Variants in IPO9 observed in about 807,000 individuals in gnomAD.
The protein encoded by IPO9 is importin 9, also known as importin-9.
IPO9 carries 28 observed loss-of-function variants against 128.6 expected under a neutral mutation model. The observed-to-expected ratio is 0.22, with a 90% CI of 0.16 to 0.30. The LOEUF is 0.30. Ranked by LOEUF, IPO9 falls within the 10% of genes least tolerant of loss-of-function variation. The pLI, the probability that IPO9 is intolerant of heterozygous loss-of-function variation, is 1.00. For missense variants in IPO9, 935 were observed against 1,293.9 expected, an observed-to-expected ratio of 0.72 and a Z score of 4.26; for synonymous variants, 455 against 475.8, an observed-to-expected ratio of 0.96 and a Z score of 0.57.
At chr1:201,850,228 A>G (rs1571544614) in intron 4 of IPO9, among the ~76,000 whole-genome samples, 2 of 152,240 alleles carry the variant, frequency 1.3e-5, no homozygotes, top group Admixed American at 1.3e-4. Flanking sequence ...TGGAGTGGCT[A>G]GCAGCCAAGC....
At chr1:201,866,203 C>G (rs1680551926) in intron 14 of IPO9, among the ~76,000 whole-genome samples, 1 of 152,136 alleles carries the variant, frequency 6.6e-6, no homozygotes, top group Non-Finnish European at 1.5e-5. Context: ...TGAAGTACCT[C>G]TGTCTCAAGT....
chr1:201,869,464 A>T, intron 16 of IPO9, 126 bp from the exon 17 acceptor site: 3 of 1,135,030 alleles, frequency 2.6e-6, no homozygotes, highest in Non-Finnish European at 3.8e-6. Flanking sequence ...TTATTTTGGA[A>T]ACTTGCCTTT....
At position 201,866,423 on chromosome 1, in the gene IPO9, G is replaced by T. The variant is rs1680554796; in HGVS notation, c.1629-310G>T. On this transcript the variant is annotated intron_variant, in intron 14 of 23. Coordinates refer to ENST00000361565, the MANE Select transcript of IPO9 (RefSeq NM_018085.5). ...CTTTAAATCCTACAGCTAATAGGCT[G>T]ATTTTGAAAGTGAAACATAAAATGT... Among the ~76,000 whole-genome samples, 3 of 150,402 alleles carry T rather than the reference G, an allele frequency of 2.0e-5. 1 individual carries two copies. The Admixed American group carries it at 2.0e-4, about 10-fold the overall frequency.
intron 1 of IPO9, among the ~76,000 whole-genome samples, chr1:201,838,638 T>G (rs1446009505): frequency 6.6e-6 from 1 of 152,100 alleles, no homozygotes; most frequent in African/African-American, 2.4e-5. Context: ...GAATGTGGCT[T>G]CTTCTGTGGC....
In IPO9 at chr1:201,863,507, T is replaced by A; in HGVS notation, c.1528T>A (p.Ser510Thr). The A allele has an allele frequency of 6.3e-7, 1 of 1,599,558 alleles. No homozygotes were observed. The highest frequency in any genetic ancestry group is 1.3e-5 in the African/African-American group (1 of 74,858). The change falls in exon 14 of 24, where the codon TCC becomes ACC. Residue 510 changes from serine to threonine, a missense_variant. Coordinates refer to ENST00000361565, the MANE Select transcript of IPO9 (RefSeq NM_018085.5). ...WAASRFTVAM[S>T]PELIQQFLQA... ...TGCCAGTCGGTTCACTGTTGCTATG[T>A]CCCCTGAACTGATCCAGCAGTTCCT... is the stretch of plus-strand genomic sequence containing the variant.
intron 16 of IPO9, among the ~76,000 whole-genome samples, 182 bp downstream of exon 16, chr1:201,868,978 C>T (rs1392902125): frequency 1.3e-5 from 2 of 152,146 alleles, no homozygotes; most frequent in South Asian, 2.1e-4. Context: ...CTTGGCTTGG[C>T]GCGGTGGCTC....
chr1:201,854,431 A>C (rs559841756), intron 6 of IPO9, among the ~76,000 whole-genome samples, 164 bp from the exon 7 acceptor site: 6 of 152,336 alleles, frequency 3.9e-5, no homozygotes, highest in African/African-American at 1.4e-4. Context: ...GGAAAAATGA[A>C]ATCTTAGGTA....
Position 201,829,368 on chromosome 1 carries a change from G to T in IPO9, c.159G>T (p.Thr53=). 1 of 1,570,084 alleles carries T rather than the reference G, an allele frequency of 6.4e-7. No homozygotes were observed. The highest frequency in any genetic ancestry group is 1.2e-5 in the South Asian group (1 of 84,928). The change falls in exon 1 of 24, where the codon ACG becomes ACT. Residue 53 remains threonine (T), a synonymous_variant. Transcript: ENST00000361565. ...AEEQIKVLEV[T]EEFGVHLAEL... The stretch of plus-strand genomic sequence containing the variant: ...AACAGATTAAGGTGCTGGAGGTGAC[G>T]GAGGGTGAGTGAGGCGGGACCGTCA...
chr1:201,860,491 T>C (rs1484435507), intron 13 of IPO9, among the ~76,000 whole-genome samples: 1 of 152,212 alleles, frequency 6.6e-6, no homozygotes, highest in Non-Finnish European at 1.5e-5. Flanking sequence ...AGGCATCCCA[T>C]AGTTACACAT....
chr1:201,868,665 C>T lies in IPO9; in HGVS notation c.1873C>T (p.Leu625=). 1 of 1,613,790 alleles carries T rather than the reference C, an allele frequency of 6.2e-7. No homozygotes were observed. Among genetic ancestry groups the T allele is most frequent in the Non-Finnish European group, 8.5e-7 (1 of 1,179,848 alleles). Residue 625 remains leucine, a synonymous_variant, in exon 16 of 24, where the codon CTG becomes TTG. Coordinates refer to ENST00000361565, the MANE Select transcript of IPO9 (RefSeq NM_018085.5). ...KYSNDPVVAS[L]AQDIFKELSQ... ...CACTTCAGATCCCGTCGTCGCCTCACTGGCTCAGGACATCTTCAAGGAGCT... is the reference window on the plus strand; with the variant it reads ...CACTTCAGATCCCGTCGTCGCCTCATTGGCTCAGGACATCTTCAAGGAGCT...
At chr1:201,869,371 T>G (rs552217083) in intron 16 of IPO9, among the ~76,000 whole-genome samples, 9 of 152,356 alleles carry the variant, frequency 5.9e-5, no homozygotes, top group African/African-American at 2.2e-4. Flanking sequence ...TCCACTACCA[T>G]GTACTACTGC....
intron 13 of IPO9, among the ~76,000 whole-genome samples, chr1:201,861,039 G>C (rs546292767): frequency 6.6e-6 from 1 of 152,148 alleles, no homozygotes; most frequent in Non-Finnish European, 1.5e-5. Flanking sequence ...GGTGGCACGC[G>C]TCTGTAATCC....
chr1:201,867,949 A>G (rs115867668), intron 15 of IPO9, among the ~76,000 whole-genome samples: 1,950 of 152,302 alleles, frequency 0.013, 42 homozygotes, highest in African/African-American at 0.043. Context: ...TAAAATGGGT[A>G]TATCATAATT....
chr1:201,847,175 G>T (rs1680137245), intron 1 of IPO9, 104 bp from the exon 2 acceptor site: 1 of 827,178 alleles, frequency 1.2e-6, no homozygotes, highest in African/African-American at 1.7e-5. Flanking sequence ...TGAAACAACA[G>T]ATTAAGTTTC....
In IPO9 at chr1:201,854,580, G is replaced by A. The variant is rs765556025; in HGVS notation, c.691-15G>A. On this transcript the variant is annotated splice_polypyrimidine_tract_variant and intron_variant, in intron 6 of 23. Coordinates refer to ENST00000361565, the MANE Select transcript of IPO9 (RefSeq NM_018085.5). ...TAGGGGTTTGTCCAGTATTGACTTT[G>A]GTTTCTGTTATCAGGGTGCAGCCAA... 6.2e-7 allele frequency: 1 copy of A among 1,612,804 alleles called. No individual in the cohort carries two copies. Among genetic ancestry groups the A allele is most frequent in the Non-Finnish European group, 8.5e-7 (1 of 1,179,838 alleles).
intron 3 of IPO9, 148 bp from the exon 4 acceptor site, chr1:201,848,245 A>G (rs1157409300): frequency 7.5e-6 from 5 of 667,760 alleles, no homozygotes; most frequent in South Asian, 1.8e-5. Flanking sequence ...AACCCTCCAA[A>G]TGAATTGTCA....
At chr1:201,866,655 C>A in intron 14 of IPO9, 78 bp from the exon 15 acceptor site, 1 of 1,086,700 alleles carries the variant, frequency 9.2e-7, no homozygotes, top group Non-Finnish European at 1.4e-6. Flanking sequence ...CATACAAATG[C>A]TATAATATGT....
intron 1 of IPO9, among the ~76,000 whole-genome samples, chr1:201,843,228 C>T (rs540444402): frequency 6.6e-6 from 1 of 152,270 alleles, no homozygotes; most frequent in African/African-American, 2.4e-5. Flanking sequence ...CCCAATTTTG[C>T]TGGATGGGGT....
At chr1:201,833,935 T>C (rs1679880759) in intron 1 of IPO9, among the ~76,000 whole-genome samples, 1 of 152,118 alleles carries the variant, frequency 6.6e-6, no homozygotes, top group Admixed American at 6.5e-5. Context: ...TACAAGCACA[T>C]GCCCATACTT....
Sources: allele counts gnomAD v4.1 joint callset (sites outside exome capture counted in the v4.1 genomes callset), GRCh38; gene constraint gnomAD v4.1.1; transcripts MANE v1.5; gene names NCBI Gene and HGNC (gene_info 2026-07-23, HGNC 2026-07-21).